Variants in ZIC4 observed in about 807,000 individuals in gnomAD.
The protein encoded by ZIC4 is Zic family zinc finger 4.
A neutral mutation model predicts 28.8 loss-of-function variants in ZIC4; 15 were observed. The ratio of observed to expected loss-of-function variants is 0.52; its 90% CI spans 0.35 to 0.80. The LOEUF (loss-of-function observed/expected upper bound fraction) is 0.80, where lower values mean the gene tolerates loss of function less well. Among genes scored for constraint, ZIC4 ranks in the 30% least tolerant of loss-of-function variants. The pLI is 0.01. For synonymous variants in ZIC4, 220 were observed against 198.1 expected (o/e 1.11, Z -0.93); for missense variants, 512 against 467.1 (o/e 1.10, Z -0.89).
At chr3:147,401,265 ACTGGTTTGAATGT>A (rs2087160466) in intron 2 of ZIC4, among the ~76,000 whole-genome samples, 1 of 152,092 alleles carries the variant, frequency 6.6e-6, no homozygotes, top group Non-Finnish European at 1.5e-5. Flanking sequence ...TCCTTAAATC[ACTGGTTTGAATGT>A]CTGATCTCAC....
chr3:147,390,966 C>A lies in ZIC4; in HGVS notation c.969G>T (p.Ala323=). ...CGHKSQVASS[A]AVAARTADLS... is the part of the protein sequence containing the mutation. ...AGTCGGCGGTACGCGCCGCCACCGC[C>A]GCCGAGGAGGCCACCTGGGACTTGT... Residue 323 remains alanine, a synonymous_variant, in exon 4 of 5, where the codon GCG becomes GCT. Transcript: ENST00000383075. The A allele has an allele frequency of 6.2e-7, 1 of 1,611,908 alleles. No homozygotes were observed. Among genetic ancestry groups the A allele is most frequent in the Non-Finnish European group, 8.5e-7 (1 of 1,179,214 alleles).
intron 1 of ZIC4, chr3:147,405,436 C>CT: frequency 6.5e-7 from 1 of 1,537,260 alleles, no homozygotes; most frequent in Non-Finnish European, 8.7e-7. Flanking sequence ...CCAAAAGCCC[C>CT]TCCGCTTTCC....
intron 2 of ZIC4, among the ~76,000 whole-genome samples, chr3:147,399,192 G>A (rs2087113845): frequency 6.6e-6 from 1 of 152,008 alleles, no homozygotes; most frequent in Admixed American, 6.6e-5. Flanking sequence ...AGACTCTCAG[G>A]ATATGTCTCC....
intron 3 of ZIC4, chr3:147,392,556 T>G: frequency 4.6e-5 from 22 of 477,800 alleles, no homozygotes; most frequent in Non-Finnish European, 6.0e-5. Flanking sequence ...AATGGCTGCC[T>G]CCCAGCGCTC....
intron 3 of ZIC4, chr3:147,392,162 C>A (rs750745261): frequency 2.0e-6 from 2 of 985,450 alleles, no homozygotes; most frequent in Non-Finnish European, 1.2e-6. Flanking sequence ...GAGGGGTTGG[C>A]GCGGTAGGGT....
chr3:147,395,662 C>T (rs1217803633), intron 3 of ZIC4, among the ~76,000 whole-genome samples, 190 bp downstream of exon 3: 1 of 152,192 alleles, frequency 6.6e-6, no homozygotes, highest in Admixed American at 6.5e-5. Context: ...ACTATCCTCC[C>T]TACACACAGC....
rs2086809213 is a variant in ZIC4, at chr3:147,387,076, C to T, written c.*1783G>A. 6.6e-6 allele frequency: 1 copy of T among 152,178 alleles called. No individual in the cohort carries two copies. The highest frequency in any genetic ancestry group is 1.5e-5 in the Non-Finnish European group (1 of 68,038). 9.4% of individuals were successfully genotyped at this position (152,178 alleles called of 1,614,324 possible). A position where few individuals can be genotyped will look rare whatever the true frequency, so the allele number is the denominator to read the frequency against. On this transcript the variant is annotated 3_prime_UTR_variant, in exon 5 of 5. Coordinates refer to ENST00000383075, the MANE Select transcript of ZIC4 (RefSeq NM_032153.6). ...GAATGCAAACCAGAGCAGAAAGAAGCAGAAACACAATTATGGACTTAGGGT... is the reference window on the plus strand; with the variant it reads ...GAATGCAAACCAGAGCAGAAAGAAGTAGAAACACAATTATGGACTTAGGGT...
At chr3:147,394,429 A>G (rs2086993775) in intron 3 of ZIC4, among the ~76,000 whole-genome samples, 2 of 151,600 alleles carry the variant, frequency 1.3e-5, no homozygotes, top group African/African-American at 4.9e-5. Flanking sequence ...ACAGAATTCA[A>G]ACAGTGGGCC....
chr3:147,397,360 A>G (rs1045176806), intron 2 of ZIC4, among the ~76,000 whole-genome samples: 2 of 150,430 alleles, frequency 1.3e-5, no homozygotes, highest in Non-Finnish European at 3.0e-5. Context: ...TCCCTGCTCC[A>G]ACCGCCACCC....
At chr3:147,405,880 C>A in intron 1 of ZIC4, 1 of 234,590 alleles carries the variant, frequency 4.3e-6, no homozygotes, top group Non-Finnish European at 8.4e-6. Flanking sequence ...CTCTCCTAGC[C>A]ACCCCCTTGG....
intron 2 of ZIC4, among the ~76,000 whole-genome samples, chr3:147,399,480 G>T (rs935893952): frequency 5.9e-5 from 9 of 152,080 alleles, no homozygotes; most frequent in African/African-American, 1.9e-4. Flanking sequence ...TTTACTATCC[G>T]CATCTTAACA....
rs373825260 is a variant in ZIC4 at position 147,396,303 on chromosome 3, C to T, written c.237G>A (p.Pro79=). The T allele has an allele frequency of 1.9e-6, 3 of 1,602,550 alleles. No individual in the cohort carries two copies. Among genetic ancestry groups the T allele is most frequent in the East Asian group, 2.2e-5 (1 of 44,636 alleles). ...CGTCGCTGCGGGCCGCAGGCCCTGG[C>T]GGGAAGGGCTCCGGCCGCGCGTACA... is the stretch of plus-strand genomic sequence containing the variant. ...GDMYARPEPF[P]PGPAARSDAL... is the part of the protein sequence containing the mutation. The change falls in exon 3 of 5, where the codon CCG becomes CCA. Residue 79 remains proline, a synonymous_variant. Transcript: ENST00000383075. The surrounding 1 kb of genome is among the most constrained non-coding windows in gnomAD (Gnocchi z 4.2).
chr3:147,391,304 T>G (rs2086912974), intron 3 of ZIC4, 58 bp from the exon 4 acceptor site: 2 of 1,490,130 alleles, frequency 1.3e-6, no homozygotes, highest in Admixed American at 4.5e-5. Flanking sequence ...GTCAGGTGCT[T>G]GCCACCCTCC....
intron 2 of ZIC4, chr3:147,397,286 G>A (rs2087068993): frequency 6.6e-6 from 1 of 152,112 alleles, no homozygotes. Context: ...CCGCGGCCGG[G>A]TCCGACGTCA....
intron 2 of ZIC4, 31 bp downstream of exon 2, chr3:147,402,697 A>G: frequency 6.4e-7 from 1 of 1,560,106 alleles, no homozygotes; most frequent in Non-Finnish European, 8.7e-7. Context: ...GAAACCAGCA[A>G]ACCAATATTC....
chr3:147,388,236 GC>G lies in ZIC4; in HGVS notation c.*622del, dbSNP rs2107958865. 6.5e-6 allele frequency: 1 copy of G among 153,026 alleles called. No homozygotes were observed. Among genetic ancestry groups the G allele is most frequent in the South Asian group, 2.1e-4 (1 of 4,838 alleles). The allele number at this position is 153,026 out of a possible 1,614,324, so 9.5% of individuals were successfully genotyped here. ...AGTGAAGTGTGCCGCCTTTGAAGCG[GC>G]CGCTCCCCGCGCGTATTTCCATGGC... On this transcript the variant is annotated 3_prime_UTR_variant, in exon 5 of 5. Transcript: ENST00000383075.
chr3:147,393,819 C>A (rs890488249), intron 3 of ZIC4: 2 of 453,210 alleles, frequency 4.4e-6, no homozygotes, highest in African/African-American at 4.0e-5. Context: ...GTGGCCAGGC[C>A]GAGCGCGGTT....
chr3:147,394,487 A>AC (rs1491276899), intron 3 of ZIC4, among the ~76,000 whole-genome samples: 9 of 139,052 alleles, frequency 6.5e-5, no homozygotes, highest in Admixed American at 3.6e-4. Flanking sequence ...AAAAAAAAAA[A>AC]CCCTGTCATT....
chr3:147,390,535 C>A (rs977986533), intron 4 of ZIC4, among the ~76,000 whole-genome samples: 2 of 152,044 alleles, frequency 1.3e-5, no homozygotes, highest in African/African-American at 2.4e-5. Flanking sequence ...AATTCTCCAA[C>A]TTTTTTTTCC....
Sources: allele counts gnomAD v4.1 joint callset (sites outside exome capture counted in the v4.1 genomes callset), GRCh38; gene constraint gnomAD v4.1.1; non-coding constraint Gnocchi (gnomAD v3.1); transcripts MANE v1.5; gene names NCBI Gene and HGNC (gene_info 2026-07-23, HGNC 2026-07-21).